Variants in CPAMD8 observed in about 807,000 individuals in gnomAD.
CPAMD8 encodes the protein C3 and PZP-like alpha-2-macroglobulin domain-containing protein 8.
In CPAMD8, 146 loss-of-function variants were observed where a neutral mutation model predicts 224.7. That is an observed-to-expected ratio of 0.65 (90% CI 0.57 to 0.75). The LOEUF (loss-of-function observed/expected upper bound fraction) is 0.75, where lower values mean the gene tolerates loss of function less well. CPAMD8 is among the 30% of genes least tolerant of loss of function. The probability of loss-of-function intolerance (pLI) is 0.00; values close to 1 mark genes in which losing one functional copy is unlikely to be tolerated. For synonymous variants in CPAMD8, 966 were observed against 1,044.6 expected (o/e 0.92, Z 1.45); for missense variants, 2,301 against 2,537.5 (o/e 0.91, Z 2.00).
chr19:16,932,591 T>C (rs972774956), intron 23 of CPAMD8, among the ~76,000 whole-genome samples: 2 of 152,076 alleles, frequency 1.3e-5, no homozygotes, highest in Non-Finnish European at 2.9e-5. Context: ...ATAAACTAGA[T>C]GAAGTAGAAG....
intron 13 of CPAMD8, among the ~76,000 whole-genome samples, chr19:16,987,190 A>ATG (rs1568566603): frequency 8.4e-6 from 1 of 118,692 alleles, no homozygotes; most frequent in Non-Finnish European, 1.7e-5. Flanking sequence ...ATATATATAT[A>ATG]TATATATATA....
intron 2 of CPAMD8, among the ~76,000 whole-genome samples, chr19:17,021,198 G>T (rs957646642): frequency 6.6e-6 from 1 of 152,184 alleles, no homozygotes; most frequent in Admixed American, 6.5e-5. Context: ...TGCATCAAGA[G>T]GTAGGGGGAG....
chr19:17,016,243 CTG>C (rs1215808645), intron 3 of CPAMD8, among the ~76,000 whole-genome samples: 4 of 152,218 alleles, frequency 2.6e-5, no homozygotes, highest in African/African-American at 9.6e-5. Flanking sequence ...GCACCAGTCA[CTG>C]TGCCTGGCCA....
chr19:17,012,907 C>T (rs11672209), intron 3 of CPAMD8, among the ~76,000 whole-genome samples: 2,979 of 152,300 alleles, frequency 0.02, 46 homozygotes, highest in Middle Eastern at 0.041. Context: ...ACAGGCTGAG[C>T]GCAATGGCTC....
intron 12 of CPAMD8, among the ~76,000 whole-genome samples, chr19:16,992,159 G>C (rs1242970811): frequency 6.6e-6 from 1 of 152,142 alleles, no homozygotes; most frequent in African/African-American, 2.4e-5. Context: ...CTGATGATGG[G>C]ACACTAAGGC....
At chr19:16,923,672 A>C (rs2053254854) in intron 26 of CPAMD8, among the ~76,000 whole-genome samples, 1 of 152,226 alleles carries the variant, frequency 6.6e-6, no homozygotes, top group African/African-American at 2.4e-5. Flanking sequence ...TCCTTGTAAG[A>C]GAAAAGAGAG....
At chr19:16,970,498 T>A (rs1378777441) in intron 18 of CPAMD8, among the ~76,000 whole-genome samples, 1 of 151,644 alleles carries the variant, frequency 6.6e-6, no homozygotes, top group Admixed American at 6.6e-5. Context: ...GGCAGGAGAA[T>A]CACTTGAACC....
chr19:16,920,980 G>A lies in CPAMD8; in HGVS notation c.3629+925C>T, dbSNP rs184110096. Among the ~76,000 whole-genome samples, 19 of 151,884 alleles carry A rather than the reference G, an allele frequency of 1.3e-4. No individual in the cohort carries two copies. The East Asian group carries it at 3.3e-3, about 26-fold the overall frequency. ...GGAGAGTGACTCAGTGGCTTTAGCT[G>A]TCCCTGGGGTGGGCGGGGCCTCTGC... On this transcript the variant is annotated intron_variant, in intron 27 of 41. Coordinates refer to ENST00000443236, the MANE Select transcript of CPAMD8 (RefSeq NM_015692.5).
chr19:17,025,475 C>T (rs967563353), intron 1 of CPAMD8, among the ~76,000 whole-genome samples: 1 of 152,154 alleles, frequency 6.6e-6, no homozygotes, highest in African/African-American at 2.4e-5. Context: ...CTGTATAAGG[C>T]AGGGTCTCTC....
At position 16,941,591 on chromosome 19, in the gene CPAMD8, C is replaced by T. The variant is rs1342790194; in HGVS notation, c.2794-3145G>A. Among the ~76,000 whole-genome samples, 4 of 152,228 alleles carry T rather than the reference C, an allele frequency of 2.6e-5. No homozygotes were observed. The East Asian group carries it at 7.7e-4, about 29-fold the overall frequency. ...GTAATCCTCAATGTTGGAAGAGGGGCCTGGTGGAAGGTGATTGGATCATGG... is the reference window on the plus strand; with the variant it reads ...GTAATCCTCAATGTTGGAAGAGGGGTCTGGTGGAAGGTGATTGGATCATGG... On this transcript the variant is annotated intron_variant, in intron 22 of 41. Coordinates refer to ENST00000443236, the MANE Select transcript of CPAMD8 (RefSeq NM_015692.5).
chr19:16,991,955 T>A (rs1257387147), intron 12 of CPAMD8, among the ~76,000 whole-genome samples: 1 of 152,050 alleles, frequency 6.6e-6, no homozygotes, highest in African/African-American at 2.4e-5. Context: ...CATCTGGCTG[T>A]GAATGTCAAG....
intron 2 of CPAMD8, among the ~76,000 whole-genome samples, chr19:17,021,768 G>A (rs969960245): frequency 6.6e-6 from 1 of 152,198 alleles, no homozygotes; most frequent in Admixed American, 6.5e-5. Context: ...GTGGGTGCCC[G>A]TGCTCTGCCC....
At chr19:16,973,572 C>T (rs1212754135) in intron 17 of CPAMD8, among the ~76,000 whole-genome samples, 1 of 152,004 alleles carries the variant, frequency 6.6e-6, no homozygotes, top group Non-Finnish European at 1.5e-5. Context: ...TGGTCTCGAA[C>T]TCCTGACTTC....
intron 13 of CPAMD8, among the ~76,000 whole-genome samples, chr19:16,982,716 T>C (rs115610769): frequency 0.012 from 1,788 of 152,082 alleles, 27 homozygotes; most frequent in African/African-American, 0.041. Flanking sequence ...CACAAGCCCA[T>C]AGTCCCAGCT....
At chr19:16,926,695 T>C (rs1407679107) in intron 25 of CPAMD8, among the ~76,000 whole-genome samples, 2 of 152,198 alleles carry the variant, frequency 1.3e-5, no homozygotes, top group Non-Finnish European at 2.9e-5. Flanking sequence ...ACAAATAGCC[T>C]GGCTACTTTC....
At chr19:16,945,038 C>A (rs562293176) in intron 22 of CPAMD8, among the ~76,000 whole-genome samples, 4 of 152,282 alleles carry the variant, frequency 2.6e-5, no homozygotes, top group Non-Finnish European at 4.4e-5. Context: ...TGAAGGTGAG[C>A]CCCTCGTCTT....
chr19:16,899,989 G>A lies in CPAMD8; in HGVS notation c.4774-440C>T, dbSNP rs962469204. Among the ~76,000 whole-genome samples the A allele has an allele frequency of 1.3e-5, 2 of 150,780 alleles. No individual in the cohort carries two copies. Among genetic ancestry groups the A allele is most frequent in the Non-Finnish European group, 2.9e-5 (2 of 67,886 alleles). On this transcript the variant is annotated intron_variant, in intron 36 of 41. Coordinates refer to ENST00000443236, the MANE Select transcript of CPAMD8 (RefSeq NM_015692.5). This position sits in a 1 kb window ranked among gnomAD's most constrained non-coding sequence, Gnocchi z 5.4. The stretch of plus-strand genomic sequence containing the variant: ...CCACATCCTCATCCCCTGGTGCTCC[G>A]TGCAGCCTCCTTGGAGGGGAGGTGA...
intron 3 of CPAMD8, among the ~76,000 whole-genome samples, chr19:17,018,752 ACAC>A (rs2056877496): frequency 1.3e-5 from 2 of 150,278 alleles, no homozygotes; most frequent in Non-Finnish European, 3.0e-5. Context: ...ACACACACAC[ACAC>A]AAAATTAGCC....
intron 22 of CPAMD8, among the ~76,000 whole-genome samples, chr19:16,938,849 G>A (rs1599739130): frequency 6.6e-6 from 1 of 152,204 alleles, no homozygotes; most frequent in Non-Finnish European, 1.5e-5. Context: ...TGTGAGAGGG[G>A]CTCCTGCATC....
Sources: allele counts gnomAD v4.1 joint callset (sites outside exome capture counted in the v4.1 genomes callset), GRCh38; gene constraint gnomAD v4.1.1; non-coding constraint Gnocchi (gnomAD v3.1); transcripts MANE v1.5; gene names NCBI Gene and HGNC (gene_info 2026-07-23, HGNC 2026-07-21).